Variants in GNG7 observed in about 807,000 individuals in gnomAD.
The protein encoded by GNG7 is guanine nucleotide-binding protein G(I)/G(S)/G(O) subunit gamma-7.
In GNG7, 1 loss-of-function variant was observed where a neutral mutation model predicts 4.0. That is an observed-to-expected ratio of 0.25 (90% CI 0.09 to 1.18). The LOEUF (loss-of-function observed/expected upper bound fraction) is 1.18, where lower values mean the gene tolerates loss of function less well. Ranked by LOEUF, GNG7 falls within the 50% of genes most tolerant of loss-of-function variation. The pLI is 0.50. For missense variants in GNG7, 86 were observed against 91.9 expected, an observed-to-expected ratio of 0.94 and a Z score of 0.26; for synonymous variants, 34 against 36.9, an observed-to-expected ratio of 0.92 and a Z score of 0.29.
chr19:2,607,640 A>G (rs8113429), intron 2 of GNG7, among the ~76,000 whole-genome samples: 73,998 of 150,602 alleles, frequency 0.49, 18,625 homozygotes, highest in Middle Eastern at 0.65. Context: ...GCTAAACTAC[A>G]TTGTTATGTA....
At chr19:2,562,653 G>A (rs1000375233) in intron 2 of GNG7, among the ~76,000 whole-genome samples, 6 of 152,000 alleles carry the variant, frequency 3.9e-5, no homozygotes, top group Admixed American at 3.3e-4. Flanking sequence ...CCAGCAGCAG[G>A]TGCCCCCAGA....
At chr19:2,543,401 T>G (rs1979025879) in intron 3 of GNG7, among the ~76,000 whole-genome samples, 1 of 152,060 alleles carries the variant, frequency 6.6e-6, no homozygotes. Context: ...TTAATATTTT[T>G]TCTTTTAGAG....
chr19:2,553,764 T>G (rs1321383880), intron 3 of GNG7, among the ~76,000 whole-genome samples: 3 of 148,288 alleles, frequency 2.0e-5, no homozygotes, highest in Non-Finnish European at 4.4e-5. Flanking sequence ...TATGCACATA[T>G]TGCATGTAAT....
intron 2 of GNG7, among the ~76,000 whole-genome samples, chr19:2,636,712 C>T (rs1310988760): frequency 2.0e-5 from 3 of 152,090 alleles, no homozygotes; most frequent in Non-Finnish European, 4.4e-5. Context: ...CCACAGGGGC[C>T]CCTAGGGCAG....
chr19:2,663,965 C>G (rs920365314), intron 1 of GNG7, among the ~76,000 whole-genome samples: 1 of 152,200 alleles, frequency 6.6e-6, no homozygotes, highest in African/African-American at 2.4e-5. Context: ...ACGGTACCCA[C>G]AAATGTCCCC....
intron 1 of GNG7, among the ~76,000 whole-genome samples, chr19:2,696,323 A>T (rs1913253771): frequency 1.4e-5 from 2 of 146,262 alleles, no homozygotes. Flanking sequence ...AGAAAGAAAG[A>T]AAGAAAGAAA....
chr19:2,537,208 C>T (rs1472881423), intron 3 of GNG7, among the ~76,000 whole-genome samples: 1 of 152,012 alleles, frequency 6.6e-6, no homozygotes, highest in African/African-American at 2.4e-5. Flanking sequence ...CTCGGCCTCC[C>T]AAAGTGCTGG....
At chr19:2,641,553 G>C (rs1599436887) in intron 2 of GNG7, among the ~76,000 whole-genome samples, 1 of 152,270 alleles carries the variant, frequency 6.6e-6, no homozygotes, top group East Asian at 1.9e-4. Flanking sequence ...TAGACGCTGG[G>C]AAATGCGGGA....
chr19:2,639,889 G>A, intron 2 of GNG7, among the ~76,000 whole-genome samples: 1 of 53,620 alleles, frequency 1.9e-5, no homozygotes, highest in African/African-American at 8.4e-5. Context: ...GAGGGAGGGA[G>A]AGAGGGAAGG....
rs35180729 is a variant in GNG7 at position 2,658,972 on chromosome 19, A to ATT, written c.-134-12694_-134-12693dup. Among the ~76,000 whole-genome samples the ATT allele has an allele frequency of 8.2e-4, 118 of 143,388 alleles. 1 individual carries two copies. Among genetic ancestry groups the ATT allele is most frequent in the African/African-American group, 2.5e-3 (98 of 39,078 alleles). The allele number at this position is 143,388 out of a possible 152,430, so 94.1% of individuals were successfully genotyped here. On this transcript the variant is annotated intron_variant, in intron 1 of 4. Coordinates refer to ENST00000382159, the MANE Select transcript of GNG7 (RefSeq NM_052847.3). ...GTTGTATCACGAACCAAGCGTTCTG[A>ATT]TTTTTTTTTTTTTTTGAAATGGAGT...
intron 3 of GNG7, among the ~76,000 whole-genome samples, chr19:2,550,885 G>T (rs149318046): frequency 6.6e-6 from 1 of 152,308 alleles, no homozygotes; most frequent in Non-Finnish European, 1.5e-5. Context: ...AGGGGGAGCT[G>T]AGGATCAGGG....
intron 1 of GNG7, among the ~76,000 whole-genome samples, chr19:2,685,982 T>G (rs1599462053): frequency 6.6e-6 from 1 of 152,048 alleles, no homozygotes; most frequent in South Asian, 2.1e-4. Flanking sequence ...CCAAGGACAC[T>G]CCAACCCCAC....
At chr19:2,661,705 G>GAAGA (rs949900756) in intron 1 of GNG7, among the ~76,000 whole-genome samples, 2 of 145,818 alleles carry the variant, frequency 1.4e-5, no homozygotes, top group African/African-American at 5.0e-5. Flanking sequence ...AGGAAGGAAG[G>GAAGA]AAAAAAGGAA....
chr19:2,636,704 A>T (rs1982317203), intron 2 of GNG7, among the ~76,000 whole-genome samples: 1 of 152,114 alleles, frequency 6.6e-6, no homozygotes. Flanking sequence ...GAGTGTGCCC[A>T]CAGGGGCCCC....
At chr19:2,664,505 G>A (rs1983255716) in intron 1 of GNG7, among the ~76,000 whole-genome samples, 1 of 152,006 alleles carries the variant, frequency 6.6e-6, no homozygotes, top group Non-Finnish European at 1.5e-5. Context: ...GGGGCACACA[G>A]AACAAAGGGG....
chr19:2,592,651 T>C (rs1233230131), intron 2 of GNG7, among the ~76,000 whole-genome samples: 2 of 150,226 alleles, frequency 1.3e-5, no homozygotes, highest in Non-Finnish European at 3.0e-5. Flanking sequence ...GCAGAAGGAT[T>C]GCTTGAGCCC....
rs548724069 is a variant in GNG7 at position 2,557,374 on chromosome 19, C to T, written c.-77-2186G>A. 2.6e-5 allele frequency among the ~76,000 whole-genome samples: 4 copies of T among 152,290 alleles called. No individual in the cohort carries two copies. The East Asian group carries it at 5.8e-4, about 22-fold the overall frequency. ...ACACACAGACACACACACACGTGCA[C>T]GCACACATGCACGCAGGAGCGAGCG... On this transcript the variant is annotated intron_variant, in intron 2 of 4. Coordinates refer to ENST00000382159, the MANE Select transcript of GNG7 (RefSeq NM_052847.3). This position sits in a 1 kb window ranked among gnomAD's most constrained non-coding sequence, Gnocchi z 5.1.
At chr19:2,667,253 C>T (rs1983334474) in intron 1 of GNG7, among the ~76,000 whole-genome samples, 1 of 152,200 alleles carries the variant, frequency 6.6e-6, no homozygotes, top group African/African-American at 2.4e-5. Flanking sequence ...ACCCGGGAGG[C>T]GGAGGTTGCA....
chr19:2,670,131 T>C (rs1983414434), intron 1 of GNG7, among the ~76,000 whole-genome samples: 1 of 152,098 alleles, frequency 6.6e-6, no homozygotes, highest in East Asian at 1.9e-4. Flanking sequence ...TCTCTGTCTC[T>C]CTCTCTCTCT....
Sources: gnomAD v4.1 joint callset for allele counts (sites outside exome capture counted in the v4.1 genomes callset) on GRCh38, gnomAD v4.1.1 for gene constraint, Gnocchi (gnomAD v3.1) non-coding constraint, MANE v1.5 for transcripts, NCBI Gene and HGNC (gene_info 2026-07-23, HGNC 2026-07-21) for gene names.